The following ASB2 variants were observed in gnomAD, a reference collection of about 807,000 sequenced individuals.
ASB2 encodes ankyrin repeat and SOCS box protein 2.
In ASB2, 58 loss-of-function variants were observed where a neutral mutation model predicts 62.4. That is an observed-to-expected ratio of 0.93 (90% CI 0.75 to 1.16). The LOEUF (loss-of-function observed/expected upper bound fraction) is 1.16. Ranked by LOEUF, ASB2 falls within the 50% of genes most tolerant of loss-of-function variation. The pLI, the probability that ASB2 is intolerant of heterozygous loss-of-function variation, is 0.00. For synonymous variants in ASB2, 386 were observed against 385.3 expected (o/e 1.00, Z -0.02); for missense variants, 928 against 887.9 (o/e 1.05, Z -0.57).
At position 93,952,957 on chromosome 14, in the gene ASB2, G is replaced by A. The variant is rs866967630; in HGVS notation, c.634+395C>T. ...CATACCTTCATGCCTTTGCCTGTGC[G>A]GTTCCCGCTGCTTGGCCAGCAGGTG... On this transcript the variant is annotated intron_variant, in intron 5 of 9. Transcript: ENST00000555019. Among the ~76,000 whole-genome samples, 16 of 152,312 alleles carry A rather than the reference G, an allele frequency of 1.1e-4. 1 individual carries two copies. In the South Asian group the frequency reaches 2.1e-3, roughly 20 times the overall value.
intron 7 of ASB2, chr14:93,939,879 A>G: frequency 4.3e-6 from 2 of 459,934 alleles, no homozygotes. Flanking sequence ...TCTCCGCTTT[A>G]CAGATAAGGA....
chr14:93,967,764 A>G (rs1889637347), intron 1 of ASB2, among the ~76,000 whole-genome samples: 1 of 152,152 alleles, frequency 6.6e-6, no homozygotes, highest in African/African-American at 2.4e-5. Context: ...CCGTGTCGAC[A>G]AAAAGAGGTT....
chr14:93,939,724 G>A (rs571602006), intron 7 of ASB2, 52 bp from the exon 8 acceptor site: 3 of 1,311,918 alleles, frequency 2.3e-6, no homozygotes, highest in Non-Finnish European at 2.9e-6. Context: ...GGTGTGGACG[G>A]GTAGGGCCGG....
intron 2 of ASB2, 86 bp from the exon 3 acceptor site, chr14:93,956,956 G>GAGGGAGAGCC (rs1889243126): frequency 6.3e-7 from 1 of 1,592,040 alleles, no homozygotes; most frequent in Non-Finnish European, 8.6e-7. Flanking sequence ...AATGAGGATG[G>GAGGGAGAGCC]AGGGAGAGCC....
intron 7 of ASB2, among the ~76,000 whole-genome samples, chr14:93,945,725 G>A (rs1035299517): frequency 6.6e-6 from 1 of 152,174 alleles, no homozygotes; most frequent in African/African-American, 2.4e-5. Context: ...ATCTTTGGGT[G>A]GTCTTGGTGC....
At chr14:93,968,630 G>A (rs1889664209) in intron 1 of ASB2, among the ~76,000 whole-genome samples, 1 of 152,226 alleles carries the variant, frequency 6.6e-6, no homozygotes, top group Non-Finnish European at 1.5e-5. Context: ...CTATATCTGT[G>A]CCCTGGGCAC....
rs764813073 is a variant in ASB2 at position 93,956,874 on chromosome 14, G to T, written c.207-4C>A. The T allele has an allele frequency of 3.1e-6, 5 of 1,614,226 alleles. No homozygotes were observed. The Admixed American group carries it at 8.3e-5, about 27-fold the overall frequency. ...ACTCTCAGGAGGTGCAGTGGACCTGGAGGGTGCAGAGCAGGAGTGAAAGAG... is the reference window on the plus strand; with the variant it reads ...ACTCTCAGGAGGTGCAGTGGACCTGTAGGGTGCAGAGCAGGAGTGAAAGAG... On this transcript the variant is annotated splice_polypyrimidine_tract_variant and splice_region_variant and intron_variant, in intron 2 of 9. Transcript: ENST00000555019.
In ASB2 at chr14:93,934,808, A is replaced by G; in HGVS notation, c.1772-16T>C. On this transcript the variant is annotated splice_polypyrimidine_tract_variant and intron_variant, in intron 9 of 9. Coordinates refer to ENST00000555019, the MANE Select transcript of ASB2 (RefSeq NM_001202429.2). ...CTTGGAGGTTCTGAAAAAAGGAGGG[A>G]AAGACAGAGGCTGATTTGTCATTTG... 2 of 1,609,332 alleles carry G rather than the reference A, an allele frequency of 1.2e-6. No individual in the cohort carries two copies. Among genetic ancestry groups the G allele is most frequent in the Non-Finnish European group, 1.7e-6 (2 of 1,175,760 alleles).
At position 93,941,696 on chromosome 14, in the gene ASB2, A is replaced by G. The variant is rs148971724; in HGVS notation, c.1053-2024T>C. The G allele has an allele frequency of 8.9e-3, 4,069 of 456,144 alleles. 38 individuals carry two copies. Among genetic ancestry groups the G allele is most frequent in the Non-Finnish European group, 0.011 (2,521 of 226,800 alleles). 28.3% of individuals were successfully genotyped at this position (456,144 alleles called of 1,614,324 possible). The stretch of plus-strand genomic sequence containing the variant: ...TGCCCAAGAACGGGAAAGAACAGTG[A>G]GAGGGGCTGCCCCGGGGCCGCTGGA... On this transcript the variant is annotated intron_variant, in intron 7 of 9. Coordinates refer to ENST00000555019, the MANE Select transcript of ASB2 (RefSeq NM_001202429.2).
At chr14:93,957,915 G>A (rs1490295413) in intron 2 of ASB2, among the ~76,000 whole-genome samples, 7 of 152,140 alleles carry the variant, frequency 4.6e-5, no homozygotes, top group African/African-American at 1.7e-4. Flanking sequence ...TCTTCTGGGG[G>A]GGATTGGGGA....
At chr14:93,943,366 C>T (rs980216966) in intron 7 of ASB2, among the ~76,000 whole-genome samples, 1 of 152,144 alleles carries the variant, frequency 6.6e-6, no homozygotes, top group East Asian at 1.9e-4. Flanking sequence ...GATGGAGGGC[C>T]GGGCGCGGTG....
chr14:93,940,608 T>C (rs897167782), intron 7 of ASB2: 4 of 152,352 alleles, frequency 2.6e-5, no homozygotes, highest in African/African-American at 4.8e-5. Context: ...TCTCAACGCC[T>C]CCTCCCCGAA....
At chr14:93,943,665 C>T (rs1888616314) in intron 7 of ASB2, among the ~76,000 whole-genome samples, 1 of 152,234 alleles carries the variant, frequency 6.6e-6, no homozygotes, top group Non-Finnish European at 1.5e-5. Flanking sequence ...ACAACAAAAA[C>T]ATTGGCTGGA....
intron 1 of ASB2, among the ~76,000 whole-genome samples, chr14:93,974,496 G>C (rs1889854818): frequency 6.6e-6 from 1 of 152,218 alleles, no homozygotes; most frequent in Non-Finnish European, 1.5e-5. Context: ...TGCCTCCTTT[G>C]GGAAGGCTCT....
chr14:93,960,161 G>A (rs1889359003), intron 2 of ASB2, among the ~76,000 whole-genome samples: 1 of 152,024 alleles, frequency 6.6e-6, no homozygotes, highest in African/African-American at 2.4e-5. Flanking sequence ...GAGAACTGAG[G>A]CTCAAAGAGG....
chr14:93,957,467 G>T, intron 2 of ASB2: 1 of 883,950 alleles, frequency 1.1e-6, no homozygotes, highest in Non-Finnish European at 1.4e-6. Context: ...TCGGAACCAG[G>T]GCTGCAGTCA....
chr14:93,944,391 G>A (rs192212279), intron 7 of ASB2, among the ~76,000 whole-genome samples: 2 of 152,382 alleles, frequency 1.3e-5, no homozygotes, highest in East Asian at 3.9e-4. Flanking sequence ...ACACCCGCAT[G>A]TCACCCCTTG....
At chr14:93,936,759 TA>T (rs1888285033) in intron 9 of ASB2, among the ~76,000 whole-genome samples, 2 of 152,096 alleles carry the variant, frequency 1.3e-5, no homozygotes, top group Admixed American at 6.5e-5. Flanking sequence ...ACAGGAGCAG[TA>T]GTGGTGGAAT....
intron 1 of ASB2, among the ~76,000 whole-genome samples, chr14:93,973,224 C>T (rs574440342): frequency 6.4e-4 from 97 of 152,344 alleles, no homozygotes; most frequent in African/African-American, 2.0e-3. Context: ...CCAGCAGACA[C>T]TCTGTGCCCA....
Sources: gnomAD v4.1 joint callset for allele counts (sites outside exome capture counted in the v4.1 genomes callset) on GRCh38, gnomAD v4.1.1 for gene constraint, MANE v1.5 for transcripts, NCBI Gene and HGNC (gene_info 2026-07-23, HGNC 2026-07-21) for gene names.